C17orf114: variants seen among roughly 807,000 people sequenced by gnomAD.
The protein encoded by C17orf114 is chromosome 17 open reading frame 114.
At chr17:4,804,082 G>A (rs926358502), upstream of C17orf114, among the ~76,000 whole-genome samples, 2 of 152,152 alleles carry the variant, frequency 1.3e-5, no homozygotes, top group African/African-American at 2.4e-5. Context: ...AGCAAGCATC[G>A]ATGCCCTCAG....
At chr17:4,802,581 A>T (rs1905540905), upstream of C17orf114, among the ~76,000 whole-genome samples, 1 of 152,080 alleles carries the variant, frequency 6.6e-6, no homozygotes, top group South Asian at 2.1e-4. Flanking sequence ...TGGTTGGGAG[A>T]GGTGGCACGG....
upstream of C17orf114, among the ~76,000 whole-genome samples, chr17:4,803,379 G>A (rs1047488924): frequency 2.0e-5 from 3 of 148,084 alleles, no homozygotes; most frequent in Non-Finnish European, 4.5e-5. Context: ...CCCTCACCTT[G>A]AGTCAGTCTG....
chr17:4,801,328 C>G, exon 2 of C17orf114: 1 of 398,802 alleles, frequency 2.5e-6, no homozygotes. Flanking sequence ...TGTCATGCAG[C>G]TGGTGGCGGA....
intron 1 of C17orf114, among the ~76,000 whole-genome samples, chr17:4,802,019 G>A (rs567380469): frequency 1.3e-5 from 2 of 152,058 alleles, no homozygotes; most frequent in Admixed American, 6.6e-5. Flanking sequence ...ATGAGCCACC[G>A]TACCCGGCCG....
At chr17:4,802,751 AT>A (rs1351734167), upstream of C17orf114, among the ~76,000 whole-genome samples, 1 of 124,006 alleles carries the variant, frequency 8.1e-6, no homozygotes, top group African/African-American at 3.0e-5. Context: ...AGAATACTCT[AT>A]TTTTTTAGAA....
exon 2 of C17orf114, chr17:4,801,371 C>A (rs1365606935): frequency 4.0e-5 from 16 of 398,766 alleles, no homozygotes; most frequent in Non-Finnish European, 6.6e-5. Context: ...GAAGTAGGCA[C>A]CAGGCCCTGG....
chr17:4,805,120 G>C (rs1905613034), upstream of C17orf114, among the ~76,000 whole-genome samples: 1 of 152,046 alleles, frequency 6.6e-6, no homozygotes, highest in South Asian at 2.1e-4. Flanking sequence ...CATCACTATA[G>C]GTTGTTTTTG....
upstream of C17orf114, among the ~76,000 whole-genome samples, chr17:4,803,416 A>ATTTTTTTTTTT (rs34116712): frequency 1.3e-5 from 1 of 75,450 alleles, no homozygotes; most frequent in Non-Finnish European, 2.3e-5. Flanking sequence ...GTTTTTTTTA[A>ATTTTTTTTTTT]TTTTTTTTTT....
upstream of C17orf114, among the ~76,000 whole-genome samples, chr17:4,803,332 AGTT>A (rs927561118): frequency 6.6e-6 from 1 of 151,300 alleles, no homozygotes; most frequent in African/African-American, 2.4e-5. Context: ...TCACGCAGGC[AGTT>A]ATTAGCCGAG....
At chr17:4,805,226 G>A (rs891378897), upstream of C17orf114, among the ~76,000 whole-genome samples, 1 of 151,486 alleles carries the variant, frequency 6.6e-6, no homozygotes, top group Non-Finnish European at 1.5e-5. Flanking sequence ...TCAGGAGTTC[G>A]ACGCCAGCCT....
upstream of C17orf114, among the ~76,000 whole-genome samples, chr17:4,803,392 C>T (rs1311493424): frequency 6.6e-6 from 1 of 150,868 alleles, no homozygotes; most frequent in Non-Finnish European, 1.5e-5. Flanking sequence ...TCAGTCTGAC[C>T]CCAAAAATCT....
chr17:4,801,183 GAGA>G (rs1905498286), exon 2 of C17orf114: 1 of 397,586 alleles, frequency 2.5e-6, no homozygotes, highest in Non-Finnish European at 4.4e-6. Flanking sequence ...CACATTTGAT[GAGA>G]AGGTTAGAAA....
At chr17:4,802,824 C>T (rs1597312640), upstream of C17orf114, among the ~76,000 whole-genome samples, 1 of 152,126 alleles carries the variant, frequency 6.6e-6, no homozygotes, top group African/African-American at 2.4e-5. Flanking sequence ...TAGTTCCTGT[C>T]CCCTGTTATG....
upstream of C17orf114, among the ~76,000 whole-genome samples, chr17:4,804,784 C>T (rs1282181217): frequency 6.6e-6 from 1 of 151,160 alleles, no homozygotes; most frequent in African/African-American, 2.4e-5. Flanking sequence ...ACGGGGTTCA[C>T]CATGTTAGCC....
At chr17:4,803,416 A>ATTTTTTTT (rs34116712), upstream of C17orf114, among the ~76,000 whole-genome samples, 1 of 75,448 alleles carries the variant, frequency 1.3e-5, no homozygotes. Context: ...GTTTTTTTTA[A>ATTTTTTTT]TTTTTTTTTT....
chr17:4,806,925 A>C (rs919252613), upstream of C17orf114: 1 of 149,198 alleles, frequency 6.7e-6, no homozygotes, highest in Non-Finnish European at 1.5e-5. Context: ...GGCAGCACTT[A>C]CCCGCCGCAC....
At chr17:4,805,560 AC>A (rs1237406551), upstream of C17orf114, among the ~76,000 whole-genome samples, 1 of 150,838 alleles carries the variant, frequency 6.6e-6, no homozygotes, top group African/African-American at 2.5e-5. Flanking sequence ...CCCCGTCTCT[AC>A]TAAAAATACA....
chr17:4,805,309 A>G (rs1041940108), upstream of C17orf114, among the ~76,000 whole-genome samples: 12 of 151,680 alleles, frequency 7.9e-5, no homozygotes, highest in African/African-American at 2.7e-4. Context: ...GGTGCCTGTA[A>G]TCCCAGCTAC....
chr17:4,806,871 G>A (rs1260672383), upstream of C17orf114: 1 of 149,094 alleles, frequency 6.7e-6, no homozygotes, highest in Non-Finnish European at 1.5e-5. Flanking sequence ...GGGAGGCAGC[G>A]GCCGGGCACG....
Sources: gnomAD v4.1 joint callset for allele counts (sites outside exome capture counted in the v4.1 genomes callset) on GRCh38, gnomAD v4.1.1 for gene constraint, MANE v1.5 for transcripts, NCBI Gene and HGNC (gene_info 2026-07-23, HGNC 2026-07-21) for gene names.